TENM1: variants seen among roughly 807,000 people sequenced by gnomAD.
TENM1 encodes teneurin transmembrane protein 1, also known as teneurin-1.
Under a neutral mutation model 174.8 loss-of-function variants are expected in TENM1, and 35 were observed. The ratio of observed to expected loss-of-function variants is 0.20; its 90% CI spans 0.15 to 0.27. The LOEUF (loss-of-function observed/expected upper bound fraction) is 0.27. Ranked by LOEUF, TENM1 falls within the 10% of genes least tolerant of loss-of-function variation. The probability of loss-of-function intolerance (pLI) is 1.00; values close to 1 mark genes in which losing one functional copy is unlikely to be tolerated. For synonymous variants in TENM1, 781 were observed against 798.7 expected (o/e 0.98, Z 0.37); for missense variants, 1,633 against 2,130.1 (o/e 0.77, Z 4.59).
At chrX:124,565,468 G>A (rs764858979) in exon 12 of TENM1, 6 of 1,208,957 alleles carry the variant, frequency 5.0e-6, no homozygotes, top group Non-Finnish European at 4.5e-6. Context: ...TGACAGGAGC[G>A]TTCCTCACAT....
chrX:124,856,664 A>G (rs1424082165), intron 3 of TENM1, among the ~76,000 whole-genome samples: 1 of 111,371 alleles, frequency 9.0e-6, no homozygotes. Context: ...TTTGATGGGT[A>G]TCAACCAATA....
chrX:124,649,826 C>T (rs939789492), intron 8 of TENM1, among the ~76,000 whole-genome samples: 5 of 111,713 alleles, frequency 4.5e-5, no homozygotes, highest in African/African-American at 1.6e-4. Context: ...GCGTTTAGAG[C>T]AAATTCATAC....
Position 124,443,072 on chromosome X carries a change from G to GTGTA in TENM1, c.4104+10264_4104+10265insTACA, listed in dbSNP as rs1556638321. 1.5e-3 allele frequency among the ~76,000 whole-genome samples: 149 copies of GTGTA among 97,530 alleles called. 2 individuals are homozygous for GTGTA. Among genetic ancestry groups the GTGTA allele is most frequent in the African/African-American group, 4.3e-3 (114 of 26,305 alleles). The allele number at this position is 97,530 out of a possible 115,157, so 84.7% of individuals were successfully genotyped here. A position where few individuals can be genotyped will look rare whatever the true frequency, so the allele number is the denominator to read the frequency against. Reference sequence around the variant, plus strand: ...TGTGTGTGTGTGTGTGTGTGTGTGTGTGTGTGTGTGTGTGTGTGTGTGTGT... The same window carrying GTGTA: ...TGTGTGTGTGTGTGTGTGTGTGTGTGTGTATGTGTGTGTGTGTGTGTGTGTGTGT... On this transcript the variant is annotated intron_variant, in intron 23 of 31. Transcript: ENST00000422452.
At chrX:125,077,707 AGAG>A in the TENM1 span, among the ~76,000 whole-genome samples, 2 of 111,280 alleles carry the variant, frequency 1.8e-5, no homozygotes. Flanking sequence ...AATGATCAGG[AGAG>A]AAGAGGGAAA....
rs1396534286 is a variant in TENM1 at position 124,645,294 on chromosome X, T to G, written c.1725A>C (p.Lys575Asn). The G allele has an allele frequency of 7.4e-6, 9 of 1,209,782 alleles. No homozygotes were observed. The African/African-American group carries it at 1.6e-4, about 21-fold the overall frequency. ...AGCCATGCCGGCAGACACAGTGTCC[T>G]TTCTCGTATTCTCCATTCCCACCAC... Residue 575 changes from lysine to asparagine, a missense_variant, in exon 10 of 32, where the codon AAA becomes AAC. Transcript: ENST00000422452.
the TENM1 span, among the ~76,000 whole-genome samples, chrX:125,055,285 C>A: frequency 9.0e-6 from 1 of 111,479 alleles, no homozygotes; most frequent in Non-Finnish European, 1.9e-5. Flanking sequence ...TGCACCACGT[C>A]TTGCGGCTAC....
chrX:124,587,802 C>CTAA (rs1386258850), intron 11 of TENM1, among the ~76,000 whole-genome samples: 2 of 111,297 alleles, frequency 1.8e-5, no homozygotes, highest in African/African-American at 3.3e-5. Flanking sequence ...TGACAAAGGG[C>CTAA]TAATATCCAG....
At chrX:124,917,903 A>G (rs758836550) in intron 1 of TENM1, among the ~76,000 whole-genome samples, 2 of 112,360 alleles carry the variant, frequency 1.8e-5, no homozygotes, top group Non-Finnish European at 3.8e-5. Flanking sequence ...GGTAATCTAT[A>G]GGCTTAGAAT....
the TENM1 span, among the ~76,000 whole-genome samples, chrX:124,988,244 T>A: frequency 2.7e-5 from 3 of 111,673 alleles, no homozygotes; most frequent in East Asian, 8.4e-4. Flanking sequence ...GGAAGAAATA[T>A]CAGGAATGAA....
intron 3 of TENM1, among the ~76,000 whole-genome samples, chrX:124,850,480 A>AGTTTTTACT (rs1355497908): frequency 9.9e-5 from 11 of 111,472 alleles, no homozygotes; most frequent in Non-Finnish European, 2.1e-4. Context: ...TTAAGGAAGT[A>AGTTTTTACT]AACTCTACAA....
chrX:125,173,220 G>A, the TENM1 span, among the ~76,000 whole-genome samples: 1 of 111,357 alleles, frequency 9.0e-6, no homozygotes, highest in African/African-American at 3.3e-5. Flanking sequence ...GTAGAATCAT[G>A]TCATGTTATC....
intron 3 of TENM1, among the ~76,000 whole-genome samples, chrX:124,810,498 G>T (rs771886644): frequency 7.8e-4 from 87 of 111,152 alleles, no homozygotes; most frequent in African/African-American, 2.8e-3. Flanking sequence ...AACCAAGGAG[G>T]TGAAAGATCT....
intron 3 of TENM1, among the ~76,000 whole-genome samples, chrX:124,812,030 A>G (rs1329402597): frequency 9.0e-6 from 1 of 111,501 alleles, no homozygotes; most frequent in Non-Finnish European, 1.9e-5. Context: ...GATGTTGGTC[A>G]AAGGATAAAA....
At chrX:124,884,836 A>G (rs1282714284) in intron 3 of TENM1, among the ~76,000 whole-genome samples, 1 of 111,773 alleles carries the variant, frequency 8.9e-6, no homozygotes, top group African/African-American at 3.3e-5. Context: ...ACACGGATAC[A>G]ATTTGAGAAA....
At chrX:125,084,129 C>A in the TENM1 span, among the ~76,000 whole-genome samples, 2 of 110,695 alleles carry the variant, frequency 1.8e-5, no homozygotes, top group East Asian at 5.7e-4. Context: ...TTGTTTCAGC[C>A]TTCCCTCCCC....
chrX:124,637,923 T>C (rs896393596), intron 11 of TENM1, among the ~76,000 whole-genome samples: 1 of 112,352 alleles, frequency 8.9e-6, no homozygotes, highest in Non-Finnish European at 1.9e-5. Context: ...ACTAGTGCAG[T>C]AGTTCTCACA....
rs184933812 is a variant in TENM1, at chrX:124,951,843, T to C, written c.217+11694A>G. On this transcript the variant is annotated intron_variant, in intron 1 of 31. Coordinates refer to ENST00000422452, the Ensembl canonical transcript of TENM1. ...CCAAGCTCTAAAGTAAATTATAAAA[T>C]CATGGTGGCAGAATGATGGTACAGC... 3.0e-3 allele frequency among the ~76,000 whole-genome samples: 326 copies of C among 109,366 alleles called. 2 individuals carry two copies. The highest frequency in any genetic ancestry group is 0.01 in the African/African-American group (315 of 30,220). 95.0% of individuals were successfully genotyped at this position (109,366 alleles called of 115,157 possible). A position where few individuals can be genotyped will look rare whatever the true frequency, so the allele number is the denominator to read the frequency against.
At chrX:125,059,434 AT>A in the TENM1 span, among the ~76,000 whole-genome samples, 5 of 109,668 alleles carry the variant, frequency 4.6e-5, no homozygotes, top group South Asian at 7.8e-4. Flanking sequence ...ACAGTTACCC[AT>A]TTTTTTTTGT....
the TENM1 span, among the ~76,000 whole-genome samples, chrX:125,135,711 T>C: frequency 1.5e-4 from 17 of 112,102 alleles, no homozygotes; most frequent in African/African-American, 4.8e-4. Flanking sequence ...ATTACTGATA[T>C]GCTTTTATTC....
Sources: allele counts gnomAD v4.1 joint callset (sites outside exome capture counted in the v4.1 genomes callset), GRCh38; gene constraint gnomAD v4.1.1; transcripts MANE v1.5; gene names NCBI Gene and HGNC (gene_info 2026-07-23, HGNC 2026-07-21).